Variants in GORASP1 observed in about 807,000 individuals in gnomAD.
The protein encoded by GORASP1 is golgi reassembly stacking protein 1.
GORASP1 carries 31 observed loss-of-function variants against 37.7 expected under a neutral mutation model. That is an observed-to-expected ratio of 0.82 (90% confidence interval 0.62 to 1.11). The LOEUF is 1.11. Among genes scored for constraint, GORASP1 ranks in the 50% least tolerant of loss-of-function variants. GORASP1 has a pLI of 0.00. For synonymous variants in GORASP1, 204 were observed against 224.8 expected, an observed-to-expected ratio of 0.91 and a Z score of 0.83; for missense variants, 476 against 560.7, an observed-to-expected ratio of 0.85 and a Z score of 1.53.
intron 6 of GORASP1, 31 bp from the exon 7 acceptor site, chr3:39,099,534 A>T: frequency 6.3e-7 from 1 of 1,598,576 alleles, no homozygotes; most frequent in Admixed American, 1.7e-5. Flanking sequence ...GGTAGGGGAC[A>T]ATCAGGACAG....
intron 1 of GORASP1, among the ~76,000 whole-genome samples, chr3:39,106,644 G>C (rs759279661): frequency 2.0e-5 from 3 of 152,146 alleles, no homozygotes; most frequent in Non-Finnish European, 2.9e-5. Context: ...TAGGGAAAGG[G>C]GGGGTGCAGG....
chr3:39,099,569 G>A, intron 6 of GORASP1, 66 bp from the exon 7 acceptor site: 1 of 1,517,878 alleles, frequency 6.6e-7, no homozygotes, highest in South Asian at 1.2e-5. Context: ...GAATTTTGCA[G>A]TCCAACCTAA....
At position 39,100,618 on chromosome 3, in the gene GORASP1, C is replaced by A; in HGVS notation, c.567-115G>T. ...GCTGAAAAGGGTACTTCTGAAATACCGGTCAGCCTCAGGATCCCTGGGCCC... is the reference window on the plus strand; with the variant it reads ...GCTGAAAAGGGTACTTCTGAAATACAGGTCAGCCTCAGGATCCCTGGGCCC... On this transcript the variant is annotated intron_variant, in intron 5 of 8. Transcript: ENST00000319283. The surrounding 1 kb of genome is among the most constrained non-coding windows in gnomAD (Gnocchi z 4.6). 6.8e-7 allele frequency: 1 copy of A among 1,473,052 alleles called. No individual in the cohort carries two copies. The highest frequency in any genetic ancestry group is 9.2e-7 in the Non-Finnish European group (1 of 1,092,168). 91.2% of individuals were successfully genotyped at this position (1,473,052 alleles called of 1,614,324 possible).
In GORASP1 at chr3:39,099,243, G is replaced by A. The variant is rs867256719; in HGVS notation, c.916+110C>T. 4 of 1,175,596 alleles carry A rather than the reference G, an allele frequency of 3.4e-6. No individual in the cohort carries two copies. In the Middle Eastern group the frequency reaches 7.7e-4, roughly 227 times the overall value. The allele number at this position is 1,175,596 out of a possible 1,614,324, so 72.8% of individuals were successfully genotyped here. On this transcript the variant is annotated intron_variant, in intron 7 of 8. Transcript: ENST00000319283. ...ATGATATGCAACTATTAAATATCTT[G>A]GTATACATGAGATATGAGGGGTCAG...
At chr3:39,099,532 A>G in intron 6 of GORASP1, 29 bp from the exon 7 acceptor site, 1 of 1,598,408 alleles carries the variant, frequency 6.3e-7, no homozygotes, top group Non-Finnish European at 8.5e-7. Flanking sequence ...TGGGTAGGGG[A>G]CAATCAGGAC....
chr3:39,106,311 C>T (rs1017817504), intron 1 of GORASP1, among the ~76,000 whole-genome samples: 18 of 152,298 alleles, frequency 1.2e-4, no homozygotes, highest in African/African-American at 4.3e-4. Flanking sequence ...CAGGCCCCTC[C>T]CGTCTTCGAA....
rs758262132 is a variant in GORASP1 at position 39,101,117 on chromosome 3, G to A, written c.349-15C>T. 1.2e-5 allele frequency: 20 copies of A among 1,612,614 alleles called. No individual in the cohort carries two copies. The highest frequency in any genetic ancestry group is 1.7e-5 in the Non-Finnish European group (20 of 1,178,852). ...GGTTCCACATCCTGGGGAAAGAACCGCAAACCACTGGCCATGCTACTAGAG... is the reference window on the plus strand; with the variant it reads ...GGTTCCACATCCTGGGGAAAGAACCACAAACCACTGGCCATGCTACTAGAG... On this transcript the variant is annotated splice_polypyrimidine_tract_variant and intron_variant, in intron 3 of 8. Coordinates refer to ENST00000319283, the MANE Select transcript of GORASP1 (RefSeq NM_031899.4).
In GORASP1 at chr3:39,102,469, G is replaced by A. The variant is rs2035783145; in HGVS notation, c.348+209C>T. 3 of 600,804 alleles carry A rather than the reference G, an allele frequency of 5.0e-6. No homozygotes were observed. Among genetic ancestry groups the A allele is most frequent in the African/African-American group, 3.7e-5 (2 of 53,928 alleles). The allele number at this position is 600,804 out of a possible 1,614,324, so 37.2% of individuals were successfully genotyped here. On this transcript the variant is annotated intron_variant, in intron 3 of 8. Transcript: ENST00000319283. The surrounding 1 kb of genome is among the most constrained non-coding windows in gnomAD (Gnocchi z 5.0). ...AAGTACCCAAAGTCATGGCTAACAG[G>A]AAGCAAGATACACTGTTCAGGTAGT...
In GORASP1 at chr3:39,104,004, G is replaced by A. The variant is rs183081318; in HGVS notation, c.64-451C>T. Among the ~76,000 whole-genome samples the A allele has an allele frequency of 1.8e-3, 277 of 152,316 alleles. 1 individual carries two copies. Among genetic ancestry groups the A allele is most frequent in the Non-Finnish European group, 2.5e-3 (169 of 68,012 alleles). On this transcript the variant is annotated intron_variant, in intron 1 of 8. Transcript: ENST00000319283. ...CCTCGGGAGGGATACACCCAGGGCT[G>A]TACCCAGAAAGAGGGAGTGGGAAAA...
In GORASP1 at chr3:39,102,362, A is replaced by G; in HGVS notation, c.348+316T>C. The G allele has an allele frequency of 2.1e-6, 1 of 482,988 alleles. No homozygotes were observed. The highest frequency in any genetic ancestry group is 2.4e-5 in the South Asian group (1 of 41,324). The allele number at this position is 482,988 out of a possible 1,614,324, so 29.9% of individuals were successfully genotyped here. A position where few individuals can be genotyped will look rare whatever the true frequency, so the allele number is the denominator to read the frequency against. ...AGACACAGAGAATAATAAAAGCAGC[A>G]GCATTCCAGCAGTCCAACCACCATT... On this transcript the variant is annotated intron_variant, in intron 3 of 8. Transcript: ENST00000319283. The surrounding 1 kb of genome is among the most constrained non-coding windows in gnomAD (Gnocchi z 5.0).
rs893879481 is a variant in GORASP1 at position 39,105,299 on chromosome 3, C to A, written c.64-1746G>T. On this transcript the variant is annotated intron_variant, in intron 1 of 8. Transcript: ENST00000319283. This position sits in a 1 kb window ranked among gnomAD's most constrained non-coding sequence, Gnocchi z 5.4. ...CAGGGGCTCCCATCACAGCCTGCCCCAAGGCCCTATAGTGCTGCTTTTCCT... is the reference window on the plus strand; with the variant it reads ...CAGGGGCTCCCATCACAGCCTGCCCAAAGGCCCTATAGTGCTGCTTTTCCT... 3.3e-5 allele frequency among the ~76,000 whole-genome samples: 5 copies of A among 152,094 alleles called. No individual in the cohort carries two copies. Among genetic ancestry groups the A allele is most frequent in the Non-Finnish European group, 7.4e-5 (5 of 68,022 alleles).
chr3:39,098,549 G>C lies in GORASP1; in HGVS notation c.1070-60C>G. ...AAGAACCTAGGGCCATGGTGTTAGG[G>C]CCAGTAACCCCACCGACCGCTCCCC... On this transcript the variant is annotated intron_variant, in intron 8 of 8. Transcript: ENST00000319283. This position sits in a 1 kb window ranked among gnomAD's most constrained non-coding sequence, Gnocchi z 4.7. 6.4e-7 allele frequency: 1 copy of C among 1,561,834 alleles called. No homozygotes were observed. Among genetic ancestry groups the C allele is most frequent in the Non-Finnish European group, 8.7e-7 (1 of 1,153,348 alleles).
At chr3:39,099,788 C>T (rs1414187244) in intron 6 of GORASP1, among the ~76,000 whole-genome samples, 2 of 152,198 alleles carry the variant, frequency 1.3e-5, no homozygotes, top group Non-Finnish European at 2.9e-5. Context: ...ATTCCCTTTG[C>T]CCCATCAATG....
chr3:39,098,580 C>A lies in GORASP1; in HGVS notation c.1070-91G>T. The A allele has an allele frequency of 6.6e-7, 1 of 1,522,202 alleles. No homozygotes were observed. 94.3% of individuals were successfully genotyped at this position (1,522,202 alleles called of 1,614,324 possible). A position where few individuals can be genotyped will look rare whatever the true frequency, so the allele number is the denominator to read the frequency against. ...AACCCCACCGACCGCTCCCCATTGCCACTCCAGGTTTGATGGGGGATTGGA... is the reference window on the plus strand; with the variant it reads ...AACCCCACCGACCGCTCCCCATTGCAACTCCAGGTTTGATGGGGGATTGGA... On this transcript the variant is annotated intron_variant, in intron 8 of 8. Transcript: ENST00000319283. This position sits in a 1 kb window ranked among gnomAD's most constrained non-coding sequence, Gnocchi z 4.7.
At position 39,103,596 on chromosome 3, in the gene GORASP1, ACT is replaced by A. The variant is rs977222276; in HGVS notation, c.64-45_64-44del. The A allele has an allele frequency of 1.9e-5, 28 of 1,500,344 alleles. No homozygotes were observed. The highest frequency in any genetic ancestry group is 2.6e-5 in the Non-Finnish European group (28 of 1,093,498). 92.9% of individuals were successfully genotyped at this position (1,500,344 alleles called of 1,614,324 possible). On this transcript the variant is annotated intron_variant, in intron 1 of 8. Transcript: ENST00000319283. This position sits in a 1 kb window ranked among gnomAD's most constrained non-coding sequence, Gnocchi z 5.2. ...CCACAGTCACTGCGCCAACCCTGGG[ACT>A]CTCCAAGTAGCCCTCTCCCCCATTT...
chr3:39,099,258 T>C (rs769038801), intron 7 of GORASP1, 95 bp downstream of exon 7: 1 of 1,336,376 alleles, frequency 7.5e-7, no homozygotes, highest in Non-Finnish European at 1.1e-6. Context: ...ACATGAGATA[T>C]GAGGGGTCAG....
rs1025177521 is a variant in GORASP1, at chr3:39,096,902, C to T, written c.*1334G>A. The T allele has an allele frequency of 2.0e-5, 3 of 152,234 alleles. No homozygotes were observed. Among genetic ancestry groups the T allele is most frequent in the Non-Finnish European group, 4.4e-5 (3 of 68,054 alleles). The allele number at this position is 152,234 out of a possible 1,614,324, so 9.4% of individuals were successfully genotyped here. A position where few individuals can be genotyped will look rare whatever the true frequency, so the allele number is the denominator to read the frequency against. On this transcript the variant is annotated 3_prime_UTR_variant, in exon 9 of 9. Coordinates refer to ENST00000319283, the MANE Select transcript of GORASP1 (RefSeq NM_031899.4). The stretch of plus-strand genomic sequence containing the variant: ...GCTACAGAGTTAAGGGAAGCTGGCC[C>T]CAGAACAGTCCTGTGGCGATTCTGT...
intron 7 of GORASP1, 169 bp downstream of exon 7, chr3:39,099,184 G>T: frequency 1.1e-6 from 1 of 875,380 alleles, no homozygotes; most frequent in Non-Finnish European, 1.9e-6. Context: ...TCTCTTCTCT[G>T]GACTACAGAC....
In GORASP1 at chr3:39,102,668, C is replaced by T; in HGVS notation, c.348+10G>A. On this transcript the variant is annotated intron_variant, in intron 3 of 8. Coordinates refer to ENST00000319283, the MANE Select transcript of GORASP1 (RefSeq NM_031899.4). The surrounding 1 kb of genome is among the most constrained non-coding windows in gnomAD (Gnocchi z 5.0). ...CCGACACACCCTGCCCTGCCATACC[C>T]CACACTCACCAGCACATGCCACACC... 6.2e-7 allele frequency: 1 copy of T among 1,614,046 alleles called. No individual in the cohort carries two copies. Among genetic ancestry groups the T allele is most frequent in the Non-Finnish European group, 8.5e-7 (1 of 1,179,952 alleles).
Sources: gnomAD v4.1 joint callset for allele counts (sites outside exome capture counted in the v4.1 genomes callset) on GRCh38, gnomAD v4.1.1 for gene constraint, Gnocchi (gnomAD v3.1) non-coding constraint, MANE v1.5 for transcripts, NCBI Gene and HGNC (gene_info 2026-07-23, HGNC 2026-07-21) for gene names.